C6orf118: variants seen among roughly 807,000 people sequenced by gnomAD.
The protein encoded by C6orf118 is uncharacterized protein C6orf118.
In C6orf118, 50 loss-of-function variants were observed where a neutral mutation model predicts 50.2. That is an observed-to-expected ratio of 1.00 (90% CI 0.79 to 1.26). The LOEUF is 1.26. C6orf118 is among the 50% of genes most tolerant of loss of function. The probability of loss-of-function intolerance (pLI) is 0.00; values close to 1 mark genes in which losing one functional copy is unlikely to be tolerated. For synonymous variants in C6orf118, 239 were observed against 230.9 expected (o/e 1.03, Z -0.32); for missense variants, 641 against 578.7 (o/e 1.11, Z -1.10).
rs959145672 is a variant in C6orf118 at position 165,301,690 on chromosome 6, C to G, written c.632G>C (p.Ser211Thr). 6.2e-6 allele frequency: 10 copies of G among 1,614,090 alleles called. No homozygotes were observed. The African/African-American group carries it at 9.3e-5, about 15-fold the overall frequency. ...YVSSYLAGAT[S>T]ADRYRMFLRF... is the part of the protein sequence containing the mutation. ...CAGGAACATCCTGTACCTGTCTGCGCTGGTGGCTCCGGCCAGGTAGGAGCT... is the reference window on the plus strand; with the variant it reads ...CAGGAACATCCTGTACCTGTCTGCGGTGGTGGCTCCGGCCAGGTAGGAGCT... Residue 211 changes from serine to threonine, a missense_variant, in exon 2 of 9, where the codon AGC (serine) becomes ACC (threonine). By Grantham distance (58) the Ser-to-Thr change is moderately conservative. Transcript: ENST00000230301.
At chr6:165,285,370 A>G (rs1779866698) in intron 7 of C6orf118, among the ~76,000 whole-genome samples, 1 of 152,204 alleles carries the variant, frequency 6.6e-6, no homozygotes, top group Non-Finnish European at 1.5e-5. Context: ...TTAACACCCC[A>G]CTGTCAATAT....
In C6orf118 at chr6:165,290,051, A is replaced by G. The variant is rs756180033; in HGVS notation, c.1137T>C (p.His379=). Residue 379 remains histidine, a synonymous_variant, in exon 7 of 9, where the codon CAT becomes CAC. Transcript: ENST00000230301. ...GAGTAAGTCGGTTTTCATCAATTAT[A>G]TGTTTCTCAGATGATTCTGGAAATA... ...AKERSESSEK[H]IIDENRLTLT... 10 of 1,596,462 alleles carry G rather than the reference A, an allele frequency of 6.3e-6. No individual in the cohort carries two copies. In the Admixed American group the frequency reaches 8.8e-5, roughly 14 times the overall value.
At chr6:165,287,772 C>T (rs1779963521) in intron 7 of C6orf118, among the ~76,000 whole-genome samples, 1 of 152,188 alleles carries the variant, frequency 6.6e-6, no homozygotes, top group East Asian at 1.9e-4. Context: ...ACACCTTATA[C>T]AAAAAATAAC....
chr6:165,289,944 G>C lies in C6orf118; in HGVS notation c.1244C>G (p.Thr415Arg). 1.2e-6 allele frequency: 2 copies of C among 1,610,694 alleles called. No individual in the cohort carries two copies. The highest frequency in any genetic ancestry group is 1.7e-6 in the Non-Finnish European group (2 of 1,178,428). Residue 415 changes from threonine (T) to arginine (R), a missense_variant, in exon 7 of 9, where the codon ACA (threonine) becomes AGA (arginine). Physicochemically the swap from Thr to Arg is moderately conservative, Grantham distance 71. Coordinates refer to ENST00000230301, the MANE Select transcript of C6orf118 (RefSeq NM_144980.4). ...EIQALEKEIK[T>R]TLVHTGISDI... ...TGAAATTCCAGTATGAACCAAAGTT[G>C]TTTTAATTTCTTTTTCCAGAGCTTG...
rs752385474 is a variant in C6orf118, at chr6:165,301,790, G to A, written c.532C>T (p.Arg178Trp). ...CACAGCACCTTCAAGTCGGGCAGCC[G>A]GAGTTCTTCCCTCCTGCGCCATCCA... ...PPGWRRREEL[R>W]LPDLKVLCYQ... Residue 178 changes from arginine to tryptophan, a missense_variant, in exon 2 of 9, where the codon CGG becomes TGG. By Grantham distance (101) the Arg-to-Trp change is moderately radical. Transcript: ENST00000230301. 34 of 1,613,864 alleles carry A rather than the reference G, an allele frequency of 2.1e-5. No individual in the cohort carries two copies. Among genetic ancestry groups the A allele is most frequent in the Non-Finnish European group, 2.8e-5 (33 of 1,179,996 alleles).
chr6:165,300,374 T>C lies in C6orf118; in HGVS notation c.866A>G (p.Lys289Arg). ...NSSLIFGDLL[K>R]KVKDEYELYM... Reference sequence around the variant, plus strand: ...ATGTATGTTTCTTACCTTAACTTTTTTCAAGAGATCACCAAATATCAAAGA... The same window carrying C: ...ATGTATGTTTCTTACCTTAACTTTTCTCAAGAGATCACCAAATATCAAAGA... Residue 289 changes from lysine (K) to arginine (R), a missense_variant, in exon 3 of 9, where the codon AAA becomes AGA. Transcript: ENST00000230301. The C allele has an allele frequency of 6.2e-7, 1 of 1,614,112 alleles. No individual in the cohort carries two copies. The highest frequency in any genetic ancestry group is 1.3e-5 in the African/African-American group (1 of 75,056).
chr6:165,301,562 T>C lies in C6orf118; in HGVS notation c.753+7A>G, dbSNP rs762161147. ...CCCTGAGACCACCGCAGGGCTGCCC[T>C]CCTCACCTGCTGCAGCTTTCTCTCG... is the stretch of plus-strand genomic sequence containing the variant. On this transcript the variant is annotated splice_region_variant and intron_variant, in intron 2 of 8. Transcript: ENST00000230301. 29 of 1,607,152 alleles carry C rather than the reference T, an allele frequency of 1.8e-5. No homozygotes were observed. Among genetic ancestry groups the C allele is most frequent in the Non-Finnish European group, 2.0e-5 (24 of 1,176,824 alleles).
intron 5 of C6orf118, among the ~76,000 whole-genome samples, chr6:165,294,278 A>ACC (rs1482805513): frequency 0.023 from 3,521 of 150,172 alleles, 143 homozygotes; most frequent in African/African-American, 0.083. Flanking sequence ...CAAAAAAAAA[A>ACC]AAAGTAAATA....
intron 1 of C6orf118, among the ~76,000 whole-genome samples, chr6:165,306,488 A>T (rs1473822022): frequency 2.6e-5 from 3 of 116,234 alleles, no homozygotes; most frequent in Non-Finnish European, 5.4e-5. Flanking sequence ...AAAAAATTAT[A>T]AAAAAAAAAG....
chr6:165,300,553 A>C, intron 2 of C6orf118, 67 bp from the exon 3 acceptor site: 12 of 1,516,910 alleles, frequency 7.9e-6, no homozygotes, highest in African/African-American at 2.8e-5. Flanking sequence ...CGAATTTCTC[A>C]GGAGTCAGTG....
At position 165,300,436 on chromosome 6, in the gene C6orf118, GT is replaced by G. The variant is rs1780479769; in HGVS notation, c.803del (p.His268ProfsTer15). On this transcript the variant is annotated frameshift_variant, in exon 3 of 9. Transcript: ENST00000230301. LOFTEE classifies it high-confidence loss of function. ...TCSPQQFNRL[H>X]VFGKVFEDIC... ...TATCTTCAAAGACTTTTCCAAAGAC[GT>G]GCAGTCTGTTGAACTGCTGGGGGCT... is the stretch of plus-strand genomic sequence containing the variant. 1.2e-6 allele frequency: 2 copies of G among 1,613,562 alleles called. No individual in the cohort carries two copies. The highest frequency in any genetic ancestry group is 1.7e-6 in the Non-Finnish European group (2 of 1,179,746).
At chr6:165,309,471 C>G in intron 1 of C6orf118, 91 bp downstream of exon 1, 2 of 1,493,840 alleles carry the variant, frequency 1.3e-6, no homozygotes, top group Non-Finnish European at 1.9e-6. Flanking sequence ...AAGATTTTCA[C>G]ATTTCAAATC....
At chr6:165,300,785 T>C (rs1479459626) in intron 2 of C6orf118, among the ~76,000 whole-genome samples, 1 of 152,092 alleles carries the variant, frequency 6.6e-6, no homozygotes, top group Non-Finnish European at 1.5e-5. Flanking sequence ...CCTTTCTCTC[T>C]TCCAACCCCA....
chr6:165,284,403 G>A (rs543563144), intron 7 of C6orf118, among the ~76,000 whole-genome samples: 3 of 152,286 alleles, frequency 2.0e-5, no homozygotes, highest in Admixed American at 2.0e-4. Context: ...ACATACTTCA[G>A]TATTTCATCC....
rs1004409726 is a variant in C6orf118 at position 165,301,812 on chromosome 6, T to C, written c.510A>G (p.Gly170=). The stretch of plus-strand genomic sequence containing the variant: ...GCCGGAGTTCTTCCCTCCTGCGCCA[T>C]CCAGGAGGGCCCCGTCCAGGAGGGC... ...KGGPPGRGPP[G]WRRREELRLP... Residue 170 remains glycine (G), a synonymous_variant, in exon 2 of 9, where the codon GGA becomes GGG. Coordinates refer to ENST00000230301, the MANE Select transcript of C6orf118 (RefSeq NM_144980.4). The C allele has an allele frequency of 1.9e-6, 3 of 1,613,850 alleles. No individual in the cohort carries two copies. The highest frequency in any genetic ancestry group is 2.5e-6 in the Non-Finnish European group (3 of 1,179,914).
chr6:165,306,687 CA>C (rs202245205), intron 1 of C6orf118, among the ~76,000 whole-genome samples: 4,061 of 152,206 alleles, frequency 0.027, 77 homozygotes, highest in Middle Eastern at 0.058. Context: ...GAGGCGACTT[CA>C]TTGCTGTTGT....
intron 2 of C6orf118, 24 bp downstream of exon 2, chr6:165,301,545 C>T (rs1780536245): frequency 6.3e-7 from 1 of 1,590,254 alleles, no homozygotes. Flanking sequence ...TTCCCTGAGA[C>T]CACCGCAGGG....
intron 1 of C6orf118, among the ~76,000 whole-genome samples, chr6:165,309,150 T>C (rs967038714): frequency 2.6e-5 from 4 of 152,242 alleles, no homozygotes; most frequent in Non-Finnish European, 4.4e-5. Flanking sequence ...TTTGTGGTCA[T>C]TTATAGGAGC....
rs1449217157 is a variant in C6orf118 at position 165,282,968 on chromosome 6, T to G, written c.1303-1275A>C. Reference sequence around the variant, plus strand: ...TTAAAATGCAATTATAAATTGATGCTTGTCCTGAGGACATTTATTTTCTGA... The same window carrying G: ...TTAAAATGCAATTATAAATTGATGCGTGTCCTGAGGACATTTATTTTCTGA... On this transcript the variant is annotated intron_variant, in intron 7 of 8. Transcript: ENST00000230301. 3.3e-5 allele frequency among the ~76,000 whole-genome samples: 5 copies of G among 152,316 alleles called. No individual in the cohort carries two copies. In the East Asian group the frequency reaches 9.6e-4, roughly 29 times the overall value.
Sources: allele counts gnomAD v4.1 joint callset (sites outside exome capture counted in the v4.1 genomes callset), GRCh38; gene constraint gnomAD v4.1.1; transcripts MANE v1.5; gene names NCBI Gene and HGNC (gene_info 2026-07-23, HGNC 2026-07-21).